Variants in TFB1M observed in about 807,000 individuals in gnomAD.
The protein encoded by TFB1M is dimethyladenosine transferase 1, mitochondrial.
TFB1M carries 27 observed loss-of-function variants against 31.1 expected under a neutral mutation model. The observed-to-expected ratio is 0.87, with a 90% CI of 0.64 to 1.20. TFB1M has a LOEUF of 1.20. Among genes scored for constraint, TFB1M ranks in the 50% most tolerant of loss-of-function variants. The probability of loss-of-function intolerance (pLI) is 0.00; values close to 1 mark genes in which losing one functional copy is unlikely to be tolerated. For synonymous variants in TFB1M, 166 were observed against 151.8 expected, an observed-to-expected ratio of 1.09 and a Z score of -0.69; for missense variants, 394 against 418.7, an observed-to-expected ratio of 0.94 and a Z score of 0.51.
At chr6:155,299,523 A>G (rs1583370957) in intron 2 of TFB1M, 1 of 152,246 alleles carries the variant, frequency 6.6e-6, no homozygotes, top group East Asian at 1.9e-4. Context: ...GCAGGAGTGA[A>G]TGTATCAACG....
chr6:155,276,223 C>A (rs1391123602), intron 5 of TFB1M: 2 of 1,614,114 alleles, frequency 1.2e-6, no homozygotes, highest in East Asian at 2.2e-5. Flanking sequence ...ATATCGGATT[C>A]ATTTCTGCAA....
chr6:155,242,550 A>G, the TFB1M span, among the ~76,000 whole-genome samples: 3 of 152,164 alleles, frequency 2.0e-5, no homozygotes, highest in African/African-American at 7.2e-5. Flanking sequence ...CTAAGGCCAG[A>G]AAGTTCTGGG....
At chr6:155,275,943 T>C (rs749739921) in intron 5 of TFB1M, 1 of 1,613,988 alleles carries the variant, frequency 6.2e-7, no homozygotes, top group Non-Finnish European at 8.5e-7. Flanking sequence ...TCCCTCCCCA[T>C]CCACGTGCAG....
At chr6:155,240,572 A>G in the TFB1M span, 1 of 1,614,150 alleles carries the variant, frequency 6.2e-7, no homozygotes. Flanking sequence ...TTTTAACGAC[A>G]GTCAGGCCAA....
At chr6:155,308,252 TTGATGAGTTGG>T (rs1777872046) in intron 2 of TFB1M, among the ~76,000 whole-genome samples, 2 of 152,162 alleles carry the variant, frequency 1.3e-5, no homozygotes, top group African/African-American at 4.8e-5. Flanking sequence ...CAATGCAAGT[TTGATGAGTTGG>T]AAAACACCCC....
At chr6:155,275,561 C>T (rs937159798) in intron 5 of TFB1M, 2 of 702,618 alleles carry the variant, frequency 2.8e-6, no homozygotes, top group African/African-American at 3.5e-5. Flanking sequence ...TAAAGGGAAG[C>T]CTTTTGTTTA....
intron 4 of TFB1M, among the ~76,000 whole-genome samples, chr6:155,289,161 A>G (rs1583352446): frequency 6.6e-6 from 1 of 152,188 alleles, no homozygotes; most frequent in Non-Finnish European, 1.5e-5. Flanking sequence ...AGGGACAATG[A>G]GAACTATGTA....
downstream of TFB1M, among the ~76,000 whole-genome samples, chr6:155,251,428 AG>A (rs1377168620): frequency 6.6e-6 from 1 of 152,146 alleles, no homozygotes; most frequent in African/African-American, 2.4e-5. Flanking sequence ...CTGGGATTAC[AG>A]GTGCTCGCCA....
At chr6:155,233,798 C>T in the TFB1M span, among the ~76,000 whole-genome samples, 1 of 151,984 alleles carries the variant, frequency 6.6e-6, no homozygotes, top group Admixed American at 6.6e-5. Flanking sequence ...CCCTTCTCTA[C>T]TAAAAATCAA....
At chr6:155,250,954 G>C in the TFB1M span, 3 of 1,614,146 alleles carry the variant, frequency 1.9e-6, no homozygotes, top group Non-Finnish European at 2.5e-6. Context: ...TGCACTCTAC[G>C]GTTTCCTGGT....
intron 4 of TFB1M, among the ~76,000 whole-genome samples, chr6:155,287,546 C>T (rs1486707943): frequency 1.3e-5 from 1 of 77,560 alleles, no homozygotes; most frequent in African/African-American, 6.0e-5. Context: ...CTATCATTTA[C>T]TCTGAGTGTG....
At chr6:155,254,067 C>G (rs767899469), downstream of TFB1M, 2 of 1,612,296 alleles carry the variant, frequency 1.2e-6, no homozygotes, top group Non-Finnish European at 1.7e-6. Context: ...GCAGGTATGA[C>G]TGACTTCCAA....
At chr6:155,245,755 G>GTTTTT in the TFB1M span, 147,965 of 1,001,362 alleles carry the variant, frequency 0.15, 7,502 homozygotes, top group Middle Eastern at 0.18. Flanking sequence ...GCCTTTTATA[G>GTTTTT]TTTTTTTTTT....
chr6:155,253,213 A>G (rs551847807), downstream of TFB1M: 144 of 595,578 alleles, frequency 2.4e-4, 1 homozygote, highest in African/African-American at 2.5e-3. Flanking sequence ...TCCTTAGCAG[A>G]CTTCTGGGAG....
In TFB1M at chr6:155,256,722, C is replaced by T. The variant is rs755621873; in HGVS notation, c.*1114G>A. 11 of 1,614,110 alleles carry T rather than the reference C, an allele frequency of 6.8e-6. No homozygotes were observed. Among genetic ancestry groups the T allele is most frequent in the South Asian group, 3.3e-5 (3 of 91,064 alleles). On this transcript the variant is annotated 3_prime_UTR_variant, in exon 7 of 7. Transcript: ENST00000367166. ...TCATCAAAGAGAGTGACATCCTGAG[C>T]GATGAAGATGATGACCACCGTCAGA...
At chr6:155,244,224 C>A in the TFB1M span, 6 of 786,598 alleles carry the variant, frequency 7.6e-6, no homozygotes, top group Non-Finnish European at 1.2e-5. Flanking sequence ...CAGGCATAGC[C>A]TCCTCCTAAA....
intron 2 of TFB1M, among the ~76,000 whole-genome samples, chr6:155,301,887 A>AT (rs919785559): frequency 1.1e-4 from 17 of 151,832 alleles, no homozygotes; most frequent in South Asian, 1.0e-3. Context: ...CCAAGAGATA[A>AT]TTTTTTTTTC....
chr6:155,314,189 C>T (rs2114827395), intron 1 of TFB1M, 107 bp downstream of exon 1: 1 of 1,557,858 alleles, frequency 6.4e-7, no homozygotes, highest in Non-Finnish European at 8.7e-7. Flanking sequence ...AAAAGCCCGT[C>T]GCACGCCAGT....
chr6:155,245,753 T>C, the TFB1M span: 1 of 1,353,868 alleles, frequency 7.4e-7, no homozygotes, highest in Admixed American at 3.1e-5. Flanking sequence ...ATGCCTTTTA[T>C]AGTTTTTTTT....
Sources: gnomAD v4.1 joint callset for allele counts (sites outside exome capture counted in the v4.1 genomes callset) on GRCh38, gnomAD v4.1.1 for gene constraint, MANE v1.5 for transcripts, NCBI Gene and HGNC (gene_info 2026-07-23, HGNC 2026-07-21) for gene names.